NRG1: variants seen among roughly 807,000 people sequenced by gnomAD.
The protein encoded by NRG1 is neuregulin 1.
A neutral mutation model predicts 63.8 loss-of-function variants in NRG1; 18 were observed. The ratio of observed to expected loss-of-function variants is 0.28; its 90% confidence interval spans 0.19 to 0.42. The LOEUF (loss-of-function observed/expected upper bound fraction) is 0.42. Among genes scored for constraint, NRG1 ranks in the 10% least tolerant of loss-of-function variants. The pLI is 1.00. For synonymous variants in NRG1, 302 were observed against 301.3 expected, an observed-to-expected ratio of 1.00 and a Z score of -0.02; for missense variants, 762 against 814.7, an observed-to-expected ratio of 0.94 and a Z score of 0.79.
chr8:32,254,391 T>C (rs1175735385), intron 1 of NRG1, among the ~76,000 whole-genome samples: 1 of 152,236 alleles, frequency 6.6e-6, no homozygotes, highest in Non-Finnish European at 1.5e-5. Flanking sequence ...TTTGTTCTCA[T>C]TGGTTTCAAA....
chr8:32,771,276 A>AT (rs553989637), downstream of NRG1, among the ~76,000 whole-genome samples: 1,755 of 92,704 alleles, frequency 0.019, 87 homozygotes, highest in African/African-American at 0.023. Context: ...ATGCCCAGCG[A>AT]TTTTTTTTTT....
chr8:32,678,858 G>T (rs1405758582), intron 5 of NRG1, among the ~76,000 whole-genome samples: 1 of 152,074 alleles, frequency 6.6e-6, no homozygotes, highest in East Asian at 1.9e-4. Context: ...TATTATGAAA[G>T]ATTTTTTTCC....
intron 1 of NRG1, among the ~76,000 whole-genome samples, chr8:32,383,978 T>A (rs1432963602): frequency 6.6e-6 from 1 of 152,226 alleles, no homozygotes. Context: ...CTCACACTTG[T>A]AATCCCAGCA....
intron 1 of NRG1, among the ~76,000 whole-genome samples, chr8:31,688,209 T>C (rs181433167): frequency 1.1e-3 from 170 of 152,374 alleles, no homozygotes; most frequent in Non-Finnish European, 1.8e-3. Flanking sequence ...CCCAGATTTA[T>C]ATGTTGAAAC....
intron 1 of NRG1, among the ~76,000 whole-genome samples, chr8:32,238,920 A>G (rs1847837870): frequency 6.6e-6 from 1 of 152,172 alleles, no homozygotes; most frequent in Admixed American, 6.6e-5. Flanking sequence ...TTACTTCTTA[A>G]CAGAGACATA....
chr8:31,666,239 G>A (rs1054405885), intron 1 of NRG1, among the ~76,000 whole-genome samples: 37 of 152,212 alleles, frequency 2.4e-4, no homozygotes, highest in African/African-American at 3.1e-4. Flanking sequence ...AGAAGGAGGT[G>A]GGCATGTGGG....
chr8:31,717,365 C>T (rs894949712), intron 1 of NRG1, among the ~76,000 whole-genome samples: 6 of 147,492 alleles, frequency 4.1e-5, no homozygotes, highest in African/African-American at 1.5e-4. Context: ...CAAGATGGCA[C>T]TACTGCACTC....
intron 1 of NRG1, among the ~76,000 whole-genome samples, chr8:31,706,988 CTGAG>C (rs916242214): frequency 1.3e-5 from 2 of 151,822 alleles, no homozygotes; most frequent in African/African-American, 4.8e-5. Context: ...TATTTTGACT[CTGAG>C]TATCATCTTT....
intron 5 of NRG1, among the ~76,000 whole-genome samples, chr8:32,693,112 A>G (rs1812253473): frequency 6.6e-6 from 1 of 152,196 alleles, no homozygotes; most frequent in Non-Finnish European, 1.5e-5. Flanking sequence ...TTGCACATAC[A>G]TAAAATCCTA....
At chr8:32,023,841 A>AC (rs71208159) in intron 1 of NRG1, among the ~76,000 whole-genome samples, 149,209 of 152,288 alleles carry the variant, frequency 0.98, 73,167 homozygotes, top group East Asian at 1. Context: ...ATTTGCAGTA[A>AC]CTCTCCCTAA....
At chr8:32,318,748 T>G (rs1801045994) in intron 1 of NRG1, among the ~76,000 whole-genome samples, 1 of 152,298 alleles carries the variant, frequency 6.6e-6, no homozygotes, top group South Asian at 2.1e-4. Flanking sequence ...ACTTGCCCAG[T>G]TTTATGACAG....
intron 1 of NRG1, among the ~76,000 whole-genome samples, chr8:32,308,398 T>C (rs1856460672): frequency 6.6e-6 from 1 of 152,252 alleles, no homozygotes; most frequent in Non-Finnish European, 1.5e-5. Context: ...TCTTAGACAC[T>C]ATCTCATCCT....
chr8:31,862,860 C>G (rs1828594386), intron 1 of NRG1, among the ~76,000 whole-genome samples: 2 of 152,172 alleles, frequency 1.3e-5, no homozygotes, highest in African/African-American at 4.8e-5. Flanking sequence ...CCTTAATTTG[C>G]AGGCACTGTG....
chr8:31,691,481 G>A (rs1286092159), intron 1 of NRG1, among the ~76,000 whole-genome samples: 1 of 151,442 alleles, frequency 6.6e-6, no homozygotes, highest in Non-Finnish European at 1.5e-5. Context: ...TGTAGTCCCA[G>A]CTACTCGGGA....
chr8:32,201,940 G>T (rs1843538235), intron 1 of NRG1, among the ~76,000 whole-genome samples: 1 of 152,100 alleles, frequency 6.6e-6, no homozygotes, highest in African/African-American at 2.4e-5. Context: ...TGTTTGATGA[G>T]AAATATTTAT....
chr8:31,649,309 G>C, intron 1 of NRG1, among the ~76,000 whole-genome samples: 1 of 152,098 alleles, frequency 6.6e-6, no homozygotes. Context: ...GTTTTCCATA[G>C]CAGCTGCACC....
rs1011468531 is a variant in NRG1 at position 32,726,324 on chromosome 8, A to AT, written c.503-1616dup. On this transcript the variant is annotated intron_variant, in intron 5 of 11. Coordinates refer to ENST00000356819, the Ensembl canonical transcript of NRG1. ...ATTTGCTATTATTCATTGAATGCCA[A>AT]TTTTTTTTTGCCAATTCCTTTATCT... is the stretch of plus-strand genomic sequence containing the variant. 9.2e-4 allele frequency among the ~76,000 whole-genome samples: 139 copies of AT among 151,080 alleles called. 1 individual carries two copies. The highest frequency in any genetic ancestry group is 2.7e-3 in the East Asian group (14 of 5,120).
At chr8:32,469,257 G>A (rs1047020615) in intron 1 of NRG1, among the ~76,000 whole-genome samples, 1 of 152,166 alleles carries the variant, frequency 6.6e-6, no homozygotes, top group Non-Finnish European at 1.5e-5. Flanking sequence ...GAGATGTTTA[G>A]TACATGTACA....
In NRG1 at chr8:32,140,466, CT is replaced by C. The variant is rs1212175525; in HGVS notation, c.38-455350del. Among the ~76,000 whole-genome samples, 1,216 of 144,416 alleles carry C rather than the reference CT, an allele frequency of 8.4e-3. 10 individuals carry two copies. Among genetic ancestry groups the C allele is most frequent in the African/African-American group, 0.026 (1,036 of 39,680 alleles). The allele number at this position is 144,416 out of a possible 152,430, so 94.7% of individuals were successfully genotyped here. A position where few individuals can be genotyped will look rare whatever the true frequency, so the allele number is the denominator to read the frequency against. On this transcript the variant is annotated intron_variant, in intron 1 of 10. Coordinates refer to the NRG1 transcript ENST00000519301. Reference sequence around the variant, plus strand: ...GCTGAAATGCTTTTCTTCTTTCTTTCTTTTTTTTTTTTCTGAGAAAAGACCT... The same window carrying C: ...GCTGAAATGCTTTTCTTCTTTCTTTCTTTTTTTTTTTCTGAGAAAAGACCT...
Sources: gnomAD v4.1 joint callset for allele counts (sites outside exome capture counted in the v4.1 genomes callset) on GRCh38, gnomAD v4.1.1 for gene constraint, MANE v1.5 for transcripts, NCBI Gene and HGNC (gene_info 2026-07-23, HGNC 2026-07-21) for gene names.